ABLIM3: variants seen among roughly 807,000 people sequenced by gnomAD.
ABLIM3 encodes actin binding LIM protein family member 3, also known as actin-binding LIM protein 3.
Under a neutral mutation model 109.5 loss-of-function variants are expected in ABLIM3, and 61 were observed. The ratio of observed to expected loss-of-function variants is 0.56; its 90% CI spans 0.45 to 0.69. The LOEUF is 0.69. Ranked by LOEUF, ABLIM3 falls within the 30% of genes least tolerant of loss-of-function variation. ABLIM3 has a pLI of 0.00. For missense variants in ABLIM3, 796 were observed against 889.5 expected, an observed-to-expected ratio of 0.89 and a Z score of 1.34; for synonymous variants, 300 against 324.8, an observed-to-expected ratio of 0.92 and a Z score of 0.82.
intron 2 of ABLIM3, among the ~76,000 whole-genome samples, chr5:149,161,523 A>G (rs1178323532): frequency 6.6e-6 from 1 of 152,204 alleles, no homozygotes; most frequent in Non-Finnish European, 1.5e-5. Flanking sequence ...TGTGCCAGTG[A>G]GTTTGGGCCT....
intron 2 of ABLIM3, among the ~76,000 whole-genome samples, chr5:149,174,021 CAAA>C (rs57000637): frequency 5.2e-4 from 21 of 40,206 alleles, no homozygotes; most frequent in African/African-American, 1.7e-3. Context: ...GACTCCGTCT[CAAA>C]AAAAAAAAAA....
Position 149,259,523 on chromosome 5 carries a change from G to A in ABLIM3, c.*1119G>A, listed in dbSNP as rs1754729843. On this transcript the variant is annotated 3_prime_UTR_variant, in exon 24 of 24. Transcript: ENST00000309868. ...CCCCCGCCAGTCCTCGGCTCCTGCT[G>A]CAAAGTTGGCCATGTTTCACAGGGA... 1 of 1,536,134 alleles carries A rather than the reference G, an allele frequency of 6.5e-7. No homozygotes were observed. The highest frequency in any genetic ancestry group is 2.0e-5 in the Admixed American group (1 of 50,990).
intron 2 of ABLIM3, among the ~76,000 whole-genome samples, chr5:149,162,629 T>C (rs1456540698): frequency 6.6e-6 from 1 of 152,202 alleles, no homozygotes; most frequent in African/African-American, 2.4e-5. Context: ...ATTTCACCTT[T>C]CAGTTCCTTT....
intron 6 of ABLIM3, among the ~76,000 whole-genome samples, chr5:149,210,049 C>T (rs201651187): frequency 2.0e-5 from 3 of 152,200 alleles, no homozygotes; most frequent in East Asian, 1.9e-4. Flanking sequence ...CTAAGCTCTC[C>T]GATGCCCCCA....
intron 20 of ABLIM3, among the ~76,000 whole-genome samples, chr5:149,250,748 C>T (rs1643474778): frequency 6.6e-6 from 1 of 152,170 alleles, no homozygotes; most frequent in African/African-American, 2.4e-5. Context: ...GCCAGGGACT[C>T]AGCTAAACAC....
chr5:149,153,551 A>T (rs755070868), intron 2 of ABLIM3, among the ~76,000 whole-genome samples: 3 of 152,192 alleles, frequency 2.0e-5, no homozygotes, highest in Non-Finnish European at 4.4e-5. Context: ...AGGAGGTGAG[A>T]GTCCCACTCT....
chr5:149,247,517 C>T (rs1753496197), intron 17 of ABLIM3: 2 of 637,310 alleles, frequency 3.1e-6, no homozygotes, highest in Admixed American at 2.1e-5. Context: ...ATCACTGTGC[C>T]AAGACAATGG....
chr5:149,247,998 T>A, intron 18 of ABLIM3, 69 bp downstream of exon 18: 1 of 1,546,544 alleles, frequency 6.5e-7, no homozygotes. Flanking sequence ...CAGTGTCAGC[T>A]GTTTGCTCTG....
At chr5:149,149,193 CA>C in intron 2 of ABLIM3, among the ~76,000 whole-genome samples, 1 of 152,330 alleles carries the variant, frequency 6.6e-6, no homozygotes, top group South Asian at 2.1e-4. Flanking sequence ...CAAGATCTAT[CA>C]TGTACTCTCT....
intron 5 of ABLIM3, among the ~76,000 whole-genome samples, chr5:149,205,925 A>G (rs1758920840): frequency 6.6e-6 from 1 of 152,192 alleles, no homozygotes; most frequent in African/African-American, 2.4e-5. Flanking sequence ...TTCTTCTAGG[A>G]CAGGCTCCCA....
rs201722476 is a variant in ABLIM3, at chr5:149,252,256, G to T, written c.1857+48G>T. 3.1e-6 allele frequency: 5 copies of T among 1,603,330 alleles called. No homozygotes were observed. The African/African-American group carries it at 5.4e-5, about 17-fold the overall frequency. The stretch of plus-strand genomic sequence containing the variant: ...GGGGGTCTCCAGGATTCTTGGAGCC[G>T]CTACACTGGGGATCACCAGGAGGAT... On this transcript the variant is annotated intron_variant, in intron 22 of 23. Transcript: ENST00000309868.
intron 4 of ABLIM3, chr5:149,199,056 G>A (rs777049744): frequency 1.1e-5 from 5 of 456,530 alleles, no homozygotes; most frequent in Non-Finnish European, 2.2e-5. Context: ...CATCTCCAGG[G>A]ATGGAGAGCT....
At position 149,258,930 on chromosome 5, in the gene ABLIM3, C is replaced by CAGTTAAA; in HGVS notation, c.*529_*535dup. On this transcript the variant is annotated 3_prime_UTR_variant, in exon 24 of 24. Coordinates refer to ENST00000309868, the MANE Select transcript of ABLIM3 (RefSeq NM_014945.5). ...AGCTCAGTGCTCTCTTGGGGCAATG[C>CAGTTAAA]AGTTAAAAGGGTGAGCCTCAAATCT... 2.0e-6 allele frequency: 2 copies of CAGTTAAA among 990,290 alleles called. No individual in the cohort carries two copies. The highest frequency in any genetic ancestry group is 2.4e-6 in the Non-Finnish European group (2 of 833,174). The allele number at this position is 990,290 out of a possible 1,614,324, so 61.3% of individuals were successfully genotyped here.
intron 2 of ABLIM3, among the ~76,000 whole-genome samples, chr5:149,144,505 GC>G (rs1752749373): frequency 6.6e-6 from 1 of 152,182 alleles, no homozygotes; most frequent in Non-Finnish European, 1.5e-5. Flanking sequence ...TGATCCTCAT[GC>G]CTGATATTGT....
intron 2 of ABLIM3, chr5:149,176,806 A>G (rs1366304896): frequency 2.0e-5 from 3 of 152,170 alleles, no homozygotes; most frequent in East Asian, 1.9e-4. Flanking sequence ...ATCTTGGAAC[A>G]TGCACCCCCA....
chr5:149,220,081 G>T (rs1232136178), intron 8 of ABLIM3: 1 of 152,176 alleles, frequency 6.6e-6, no homozygotes, highest in Admixed American at 6.5e-5. Context: ...AGATATAGGT[G>T]TAGTAATTTC....
chr5:149,163,463 T>C (rs974231656), intron 2 of ABLIM3, among the ~76,000 whole-genome samples: 2 of 152,180 alleles, frequency 1.3e-5, no homozygotes, highest in South Asian at 2.1e-4. Context: ...AATAGGAATT[T>C]ATTTTCTCAC....
At chr5:149,142,148 T>A in intron 2 of ABLIM3, 40 bp downstream of exon 2, 1 of 998,678 alleles carries the variant, frequency 1.0e-6, no homozygotes, top group Non-Finnish European at 1.4e-6. Flanking sequence ...GGAACAGGGG[T>A]GGGGGCGGGA....
intron 2 of ABLIM3, among the ~76,000 whole-genome samples, chr5:149,172,217 A>G (rs1298170965): frequency 4.6e-5 from 7 of 152,238 alleles, no homozygotes; most frequent in Admixed American, 3.3e-4. Flanking sequence ...TTTTAATGAA[A>G]TGGCATAAAA....
Sources: allele counts gnomAD v4.1 joint callset (sites outside exome capture counted in the v4.1 genomes callset), GRCh38; gene constraint gnomAD v4.1.1; transcripts MANE v1.5; gene names NCBI Gene and HGNC (gene_info 2026-07-23, HGNC 2026-07-21).